Variants in CADM2 observed in about 807,000 individuals in gnomAD.
CADM2 encodes the protein cell adhesion molecule 2, also known as immunoglobulin superfamily member 4D.
A neutral mutation model predicts 49.8 loss-of-function variants in CADM2; 12 were observed. The observed-to-expected ratio is 0.24, with a 90% CI of 0.15 to 0.39. CADM2 has a LOEUF of 0.39. Ranked by LOEUF, CADM2 falls within the 10% of genes least tolerant of loss-of-function variation. The pLI, the probability that CADM2 is intolerant of heterozygous loss-of-function variation, is 1.00. For synonymous variants in CADM2, 214 were observed against 175.4 expected (o/e 1.22, Z -1.74); for missense variants, 378 against 492.3 (o/e 0.77, Z 2.20).
At chr3:85,212,861 T>TCTTG in intron 1 of CADM2, among the ~76,000 whole-genome samples, 3 of 130,232 alleles carry the variant, frequency 2.3e-5, no homozygotes, top group African/African-American at 1.0e-4. Context: ...TTTCTTTCTT[T>TCTTG]CTTTCTTTCT....
chr3:85,990,343 G>A (rs1201369528), intron 8 of CADM2, among the ~76,000 whole-genome samples: 1 of 152,120 alleles, frequency 6.6e-6, no homozygotes, highest in African/African-American at 2.4e-5. Flanking sequence ...TAAGTGTTCT[G>A]AAAATGTTTC....
intron 6 of CADM2, among the ~76,000 whole-genome samples, chr3:85,926,726 G>C (rs984236035): frequency 1.3e-5 from 2 of 152,096 alleles, no homozygotes; most frequent in Admixed American, 1.3e-4. Flanking sequence ...AAATGAGACA[G>C]TGGGTGTATT....
chr3:85,710,024 C>CTGTGAGCAAATTAA (rs1179234404), intron 1 of CADM2, among the ~76,000 whole-genome samples: 4 of 152,132 alleles, frequency 2.6e-5, no homozygotes, highest in African/African-American at 7.2e-5. Flanking sequence ...AATCTCACAG[C>CTGTGAGCAAATTAA]TCTCCGGAAA....
chr3:85,678,762 A>G (rs181101429), intron 1 of CADM2, among the ~76,000 whole-genome samples: 50 of 152,304 alleles, frequency 3.3e-4, no homozygotes, highest in Non-Finnish European at 6.2e-4. Context: ...TATTTATTCA[A>G]TTATTCATTA....
In CADM2 at chr3:85,856,875, G is replaced by A. The variant is rs114748728; in HGVS notation, c.239-26416G>A. Reference sequence around the variant, plus strand: ...AAGTTATTTTCTCCCATTTTGTGTCGGGGTAGGATGGGCAAATCAGCATTG... The same window carrying A: ...AAGTTATTTTCTCCCATTTTGTGTCAGGGTAGGATGGGCAAATCAGCATTG... On this transcript the variant is annotated intron_variant, in intron 3 of 9. Coordinates refer to ENST00000383699, the MANE Select transcript of CADM2 (RefSeq NM_001167675.2). 5.2e-3 allele frequency among the ~76,000 whole-genome samples: 796 copies of A among 152,208 alleles called. 3 individuals carry two copies. The highest frequency in any genetic ancestry group is 9.3e-3 in the Non-Finnish European group (635 of 68,006).
intron 1 of CADM2, among the ~76,000 whole-genome samples, chr3:85,368,238 A>G (rs1474385517): frequency 6.6e-6 from 1 of 152,054 alleles, no homozygotes; most frequent in Non-Finnish European, 1.5e-5. Flanking sequence ...ATAGAGAGAC[A>G]TTGTATCCTT....
chr3:86,005,242 ATTTAT>A (rs1207293197), intron 8 of CADM2, among the ~76,000 whole-genome samples: 1 of 152,124 alleles, frequency 6.6e-6, no homozygotes, highest in Non-Finnish European at 1.5e-5. Context: ...GAATTATTTT[ATTTAT>A]TTTGTTTTTT....
chr3:85,206,448 C>T (rs961869615), intron 1 of CADM2, among the ~76,000 whole-genome samples: 3 of 151,852 alleles, frequency 2.0e-5, no homozygotes, highest in Admixed American at 2.0e-4. Flanking sequence ...GCTGGGACTA[C>T]AGGCGCCCGT....
chr3:85,166,998 G>A (rs1416753957), intron 1 of CADM2, among the ~76,000 whole-genome samples: 10 of 152,028 alleles, frequency 6.6e-5, no homozygotes, highest in Non-Finnish European at 1.3e-4. Context: ...TTTTACTGCT[G>A]TTAAGGCATA....
intron 1 of CADM2, among the ~76,000 whole-genome samples, chr3:85,676,474 A>G (rs2065889465): frequency 6.6e-6 from 1 of 152,182 alleles, no homozygotes; most frequent in South Asian, 2.1e-4. Flanking sequence ...TCCTTAATGT[A>G]TCTTAACTTA....
chr3:85,446,017 G>A (rs536513521), intron 1 of CADM2, among the ~76,000 whole-genome samples: 6 of 152,120 alleles, frequency 3.9e-5, no homozygotes, highest in Admixed American at 6.5e-5. Context: ...GATTTCAGGC[G>A]AGGTGTATGT....
At chr3:85,661,409 G>A (rs2065399420) in intron 1 of CADM2, among the ~76,000 whole-genome samples, 1 of 151,954 alleles carries the variant, frequency 6.6e-6, no homozygotes, top group South Asian at 2.1e-4. Context: ...AGTTTTAAAT[G>A]TGAAATGAGC....
At chr3:85,509,261 A>G (rs2040501070) in intron 1 of CADM2, among the ~76,000 whole-genome samples, 2 of 152,168 alleles carry the variant, frequency 1.3e-5, no homozygotes, top group South Asian at 4.1e-4. Flanking sequence ...GGTGGCAGTT[A>G]TAAATAAACT....
intron 1 of CADM2, among the ~76,000 whole-genome samples, chr3:85,705,845 T>C (rs1448641651): frequency 5.3e-5 from 8 of 152,178 alleles, no homozygotes. Context: ...ACATATGGAT[T>C]TTCCCCCTCA....
At chr3:85,903,445 G>A (rs1047945938) in intron 5 of CADM2, among the ~76,000 whole-genome samples, 9 of 151,382 alleles carry the variant, frequency 5.9e-5, no homozygotes, top group African/African-American at 2.2e-4. Context: ...CTTCATTTTT[G>A]AAAAATAATT....
At chr3:85,321,370 A>C (rs777947355) in intron 1 of CADM2, among the ~76,000 whole-genome samples, 1 of 151,208 alleles carries the variant, frequency 6.6e-6, no homozygotes, top group African/African-American at 2.4e-5. Flanking sequence ...CTTTTAGTAG[A>C]CATAGGGTTT....
intron 1 of CADM2, among the ~76,000 whole-genome samples, chr3:85,618,132 C>T (rs2063850927): frequency 6.6e-6 from 1 of 151,840 alleles, no homozygotes; most frequent in Non-Finnish European, 1.5e-5. Context: ...AAATTGAAAA[C>T]AAAATTTTAA....
At chr3:85,775,037 A>G (rs550958606) in intron 2 of CADM2, among the ~76,000 whole-genome samples, 3 of 151,868 alleles carry the variant, frequency 2.0e-5, no homozygotes, top group East Asian at 1.9e-4. Context: ...TATAATCATG[A>G]AGATAAGCCC....
intron 1 of CADM2, among the ~76,000 whole-genome samples, chr3:84,996,359 C>G (rs1333237185): frequency 6.6e-6 from 1 of 152,128 alleles, no homozygotes; most frequent in South Asian, 2.1e-4. Flanking sequence ...ACTTATTTCT[C>G]ATAATCTATG....
Sources: gnomAD v4.1 joint callset for allele counts (sites outside exome capture counted in the v4.1 genomes callset) on GRCh38, gnomAD v4.1.1 for gene constraint, MANE v1.5 for transcripts, NCBI Gene and HGNC (gene_info 2026-07-23, HGNC 2026-07-21) for gene names.